Variants in KAZN observed in about 807,000 individuals in gnomAD.
KAZN encodes kazrin, periplakin interacting protein.
KAZN carries 40 observed loss-of-function variants against 87.4 expected under a neutral mutation model. That is an observed-to-expected ratio of 0.46 (90% CI 0.36 to 0.60). The LOEUF (loss-of-function observed/expected upper bound fraction) is 0.60, where lower values mean the gene tolerates loss of function less well. Among genes scored for constraint, KAZN ranks in the 20% least tolerant of loss-of-function variants. The pLI is 0.00. For missense variants in KAZN, 898 were observed against 1,073.9 expected (o/e 0.84, Z 2.29); for synonymous variants, 466 against 458.3 (o/e 1.02, Z -0.22).
At position 14,150,196 on chromosome 1, in the gene KAZN, C is replaced by T. The variant is rs565360919; in HGVS notation, c.92-30239C>T. Among the ~76,000 whole-genome samples, 3 of 152,304 alleles carry T rather than the reference C, an allele frequency of 2.0e-5. No homozygotes were observed. In the East Asian group the frequency reaches 5.8e-4, roughly 29 times the overall value. On this transcript the variant is annotated intron_variant, in intron 1 of 16. Transcript: ENST00000636203. The stretch of plus-strand genomic sequence containing the variant: ...TACACAACAAGCCTGTTGACTTTTT[C>T]TCTAGAGTGATGTCCATGTTATCAC...
chr1:13,915,167 A>G (rs1639800189), intron 1 of KAZN, among the ~76,000 whole-genome samples: 1 of 152,214 alleles, frequency 6.6e-6, no homozygotes, highest in Non-Finnish European at 1.5e-5. Context: ...ACACAGACAC[A>G]AACACAGGCA....
intron 2 of KAZN, among the ~76,000 whole-genome samples, chr1:14,255,138 A>AAAAAG (rs1557597014): frequency 8.0e-6 from 1 of 125,266 alleles, no homozygotes; most frequent in Non-Finnish European, 1.6e-5. Context: ...AAAAAAAAAA[A>AAAAAG]AAGAAGAAGA....
At chr1:14,650,032 CTTTTTTTTTTTTTTT>C (rs34399319) in intron 1 of KAZN, among the ~76,000 whole-genome samples, 1 of 88,336 alleles carries the variant, frequency 1.1e-5, no homozygotes, top group Non-Finnish European at 2.3e-5. Flanking sequence ...CTCCACCCAT[CTTTTTTTTTTTTTTT>C]TTTTTTTTTT....
intron 1 of KAZN, among the ~76,000 whole-genome samples, chr1:14,033,184 G>A (rs946510832): frequency 3.3e-5 from 5 of 152,208 alleles, no homozygotes; most frequent in African/African-American, 1.2e-4. Flanking sequence ...ACCAGGCAAA[G>A]CCAAAGGAGA....
intron 1 of KAZN, among the ~76,000 whole-genome samples, chr1:14,730,913 A>G (rs1400874663): frequency 6.6e-6 from 1 of 152,112 alleles, no homozygotes; most frequent in Admixed American, 6.6e-5. Flanking sequence ...GGACTCCCAG[A>G]TGCCCACTCT....
At chr1:14,282,152 C>T (rs766462947) in intron 2 of KAZN, among the ~76,000 whole-genome samples, 37 of 152,260 alleles carry the variant, frequency 2.4e-4, no homozygotes, top group African/African-American at 7.5e-4. Context: ...TTGTATACTA[C>T]GGGCTGTTTC....
chr1:14,144,479 G>A (rs1199691412), intron 1 of KAZN, among the ~76,000 whole-genome samples: 2 of 151,756 alleles, frequency 1.3e-5, no homozygotes, highest in Non-Finnish European at 2.9e-5. Context: ...TGTAGAGTTG[G>A]CATCTTGCTA....
chr1:14,686,911 A>T (rs770418414), intron 1 of KAZN, among the ~76,000 whole-genome samples: 2 of 152,148 alleles, frequency 1.3e-5, no homozygotes, highest in Admixed American at 6.5e-5. Context: ...TTATTAACCA[A>T]GCTATTAACG....
At chr1:14,665,077 G>A (rs1223556576) in intron 1 of KAZN, among the ~76,000 whole-genome samples, 1 of 152,108 alleles carries the variant, frequency 6.6e-6, no homozygotes, top group African/African-American at 2.4e-5. Context: ...TTTACATTTG[G>A]GGTTGTCCAT....
intron 1 of KAZN, among the ~76,000 whole-genome samples, chr1:14,063,209 G>A (rs1033629577): frequency 2.6e-5 from 4 of 152,144 alleles, no homozygotes; most frequent in Non-Finnish European, 5.9e-5. Flanking sequence ...CATTATTGAT[G>A]CCCTATGGAA....
intron 1 of KAZN, among the ~76,000 whole-genome samples, chr1:13,963,081 T>C (rs1490872510): frequency 6.6e-6 from 1 of 152,148 alleles, no homozygotes; most frequent in African/African-American, 2.4e-5. Context: ...GTCAACAAGA[T>C]AATAAAGGGA....
chr1:14,926,697 AG>A (rs941081203), intron 1 of KAZN, among the ~76,000 whole-genome samples: 7 of 152,206 alleles, frequency 4.6e-5, no homozygotes, highest in African/African-American at 1.7e-4. Flanking sequence ...GCTTTCCTCT[AG>A]GAGGGCGATG....
At chr1:15,067,261 C>G (rs1028338664) in intron 8 of KAZN, 2 of 985,474 alleles carry the variant, frequency 2.0e-6, no homozygotes, top group African/African-American at 3.5e-5. Context: ...ATCAGCCACA[C>G]TTAGAATCTC....
chr1:15,072,910 G>A (rs1311050451), intron 8 of KAZN, among the ~76,000 whole-genome samples: 2 of 152,164 alleles, frequency 1.3e-5, no homozygotes, highest in African/African-American at 2.4e-5. Flanking sequence ...GGATGAGGCC[G>A]GGCGCTGAGT....
chr1:13,956,310 CT>C (rs71576051), intron 1 of KAZN, among the ~76,000 whole-genome samples: 131 of 138,490 alleles, frequency 9.5e-4, no homozygotes, highest in Middle Eastern at 3.9e-3. Context: ...TCTTTTTTTT[CT>C]TTTTTTTTTT....
At chr1:14,912,729 T>A (rs145882993) in intron 1 of KAZN, among the ~76,000 whole-genome samples, 265 of 152,178 alleles carry the variant, frequency 1.7e-3, no homozygotes, top group African/African-American at 6.2e-3. Context: ...GAACTTTTGG[T>A]GTAAGTTATC....
intron 1 of KAZN, among the ~76,000 whole-genome samples, chr1:14,920,696 AT>A (rs1470969581): frequency 6.6e-6 from 1 of 152,160 alleles, no homozygotes; most frequent in Non-Finnish European, 1.5e-5. Context: ...ACAGTGGAGC[AT>A]TCACCCAAGC....
At chr1:14,007,988 A>G (rs951520169) in intron 1 of KAZN, among the ~76,000 whole-genome samples, 2 of 151,928 alleles carry the variant, frequency 1.3e-5, no homozygotes, top group African/African-American at 2.4e-5. Context: ...AAGAGGTTTT[A>G]CTGTTTTGTC....
chr1:14,778,353 G>T (rs1207284430), intron 1 of KAZN, among the ~76,000 whole-genome samples: 1 of 150,318 alleles, frequency 6.7e-6, no homozygotes, highest in Non-Finnish European at 1.5e-5. Flanking sequence ...GGGGAGCCTG[G>T]CCACTCTTCC....
Sources: allele counts gnomAD v4.1 joint callset (sites outside exome capture counted in the v4.1 genomes callset), GRCh38; gene constraint gnomAD v4.1.1; transcripts MANE v1.5; gene names NCBI Gene and HGNC (gene_info 2026-07-23, HGNC 2026-07-21).